The following RIPK4 variants were observed in gnomAD, a reference collection of about 807,000 sequenced individuals.
RIPK4 encodes receptor interacting serine/threonine kinase 4.
RIPK4 carries 17 observed loss-of-function variants against 42.9 expected under a neutral mutation model. That is an observed-to-expected ratio of 0.40 (90% confidence interval 0.27 to 0.59). RIPK4 has a LOEUF of 0.59. RIPK4 is among the 20% of genes least tolerant of loss of function. The pLI is 0.47. For synonymous variants in RIPK4, 498 were observed against 499.1 expected (o/e 1.00, Z 0.03); for missense variants, 897 against 1,104.4 (o/e 0.81, Z 2.66).
In RIPK4 at chr21:41,741,814, T is replaced by C. The variant is rs946329286; in HGVS notation, c.1379A>G (p.Asn460Ser). Residue 460 changes from asparagine (N) to serine (S), a missense_variant, in exon 8 of 8, where the codon AAC (asparagine) becomes AGC (serine). By Grantham distance (46) the Asn-to-Ser change is conservative. Transcript: ENST00000332512. ...QEECAKWLLL[N>S]NANPNLSNRR... ...GTTGCTCAGGTTGGGGTTGGCATTG[T>C]TGAGCAGCAGCCACTTGGCGCACTC... 1.2e-6 allele frequency: 2 copies of C among 1,611,600 alleles called. No individual in the cohort carries two copies. The highest frequency in any genetic ancestry group is 1.3e-5 in the African/African-American group (1 of 74,940).
intron 3 of RIPK4, among the ~76,000 whole-genome samples, chr21:41,749,436 A>G (rs542657880): frequency 6.6e-6 from 1 of 152,356 alleles, no homozygotes; most frequent in Non-Finnish European, 1.5e-5. Flanking sequence ...CTGGGCTACA[A>G]TCTTCAGGCA....
In RIPK4 at chr21:41,741,440, T is replaced by C. The variant is rs1203634829; in HGVS notation, c.1753A>G (p.Ile585Val). 1.2e-6 allele frequency: 2 copies of C among 1,612,724 alleles called. No individual in the cohort carries two copies. The highest frequency in any genetic ancestry group is 1.3e-5 in the African/African-American group (1 of 74,938). ...GGCTGCTTGGCCAGCAGCTTGACGA[T>C]GGGCAGGTGGCCCTGCCAGGCAGCG... ...HYAAWQGHLPIVKLLAKQPGV... is the reference protein window; with the variant it reads ...HYAAWQGHLPVVKLLAKQPGV... The change falls in exon 8 of 8, where the codon ATC (isoleucine) becomes GTC (valine). Residue 585 changes from isoleucine to valine, a missense_variant. Transcript: ENST00000332512.
Position 41,751,208 on chromosome 21 carries a change from G to A in RIPK4, c.512C>T (p.Ser171Phe), listed in dbSNP as rs772811394. 46 of 1,614,128 alleles carry A rather than the reference G, an allele frequency of 2.8e-5. No individual in the cohort carries two copies. Among genetic ancestry groups the A allele is most frequent in the Non-Finnish European group, 3.8e-5 (45 of 1,180,044 alleles). The change falls in exon 3 of 8, where the codon TCC becomes TTC. Residue 171 changes from serine (S) to phenylalanine (F), a missense_variant. Transcript: ENST00000332512. The surrounding 1 kb of genome is among the most constrained non-coding windows in gnomAD (Gnocchi z 4.5). The stretch of plus-strand genomic sequence containing the variant: ...ATCCATGCTGAGGTCATGCGAGTGG[G>A]ACAGCCCGTTGCACTTGGCCAGACC... ...DFGLAKCNGL[S>F]HSHDLSMDGL... is the part of the protein sequence containing the mutation.
At chr21:41,746,295 G>T (rs1350723297) in intron 5 of RIPK4, 1 of 591,898 alleles carries the variant, frequency 1.7e-6, no homozygotes, top group African/African-American at 1.9e-5. Flanking sequence ...CACCGGCCAG[G>T]TAAGTCCCCG....
intron 1 of RIPK4, 36 bp downstream of exon 1, chr21:41,766,824 C>A (rs1410212336): frequency 1.3e-6 from 2 of 1,582,460 alleles, no homozygotes; most frequent in Non-Finnish European, 1.7e-6. Flanking sequence ...CCAGCCCGGG[C>A]CCCAGCCGCC....
chr21:41,747,212 C>T (rs1259970643), intron 4 of RIPK4, among the ~76,000 whole-genome samples: 3 of 152,198 alleles, frequency 2.0e-5, no homozygotes, highest in East Asian at 3.9e-4. Context: ...TCTACAATGG[C>T]GAAGAAGTCT....
chr21:41,741,263 C>T lies in RIPK4; in HGVS notation c.1930G>A (p.Ala644Thr), dbSNP rs975688074. The part of the protein sequence containing the change: ...SLLAQTPLHV[A>T]AETGHTSTAR... ...GTGCTCGTGTGCCCCGTCTCCGCGG[C>T]CACGTGCAGGGGTGTCTGTGCCAGC... The change falls in exon 8 of 8, where the codon GCC (alanine) becomes ACC (threonine). Residue 644 changes from alanine (A) to threonine (T), a missense_variant. Coordinates refer to ENST00000332512, the MANE Select transcript of RIPK4 (RefSeq NM_020639.3). 9 of 1,608,474 alleles carry T rather than the reference C, an allele frequency of 5.6e-6. No homozygotes were observed. Among genetic ancestry groups the T allele is most frequent in the Non-Finnish European group, 5.9e-6 (7 of 1,179,492 alleles).
rs2061158954 is a variant in RIPK4 at position 41,742,888 on chromosome 21, T to C, written c.1196-891A>G. Among the ~76,000 whole-genome samples, 1 of 152,172 alleles carries C rather than the reference T, an allele frequency of 6.6e-6. No homozygotes were observed. Among genetic ancestry groups the C allele is most frequent in the Admixed American group, 6.5e-5 (1 of 15,284 alleles). ...TGGTGGTATTTCTTTCTGCTCAGTCTTAGACTTTGCCCTGACTCTCCTCCT... is the reference window on the plus strand; with the variant it reads ...TGGTGGTATTTCTTTCTGCTCAGTCCTAGACTTTGCCCTGACTCTCCTCCT... On this transcript the variant is annotated intron_variant, in intron 7 of 7. Transcript: ENST00000332512. This position sits in a 1 kb window ranked among gnomAD's most constrained non-coding sequence, Gnocchi z 5.1.
chr21:41,754,971 G>A (rs1475349313), intron 2 of RIPK4, among the ~76,000 whole-genome samples: 1 of 152,234 alleles, frequency 6.6e-6, no homozygotes, highest in Non-Finnish European at 1.5e-5. Context: ...CCTCTGCTCT[G>A]AGGATGAGGG....
chr21:41,762,329 C>T (rs1299987276), intron 1 of RIPK4, among the ~76,000 whole-genome samples: 2 of 152,132 alleles, frequency 1.3e-5, no homozygotes, highest in Admixed American at 6.5e-5. Context: ...GGGGGTGGGG[C>T]GGCTCCCTTG....
intron 4 of RIPK4, among the ~76,000 whole-genome samples, chr21:41,747,293 G>C (rs114940970): frequency 2.0e-5 from 3 of 152,174 alleles, no homozygotes; most frequent in Non-Finnish European, 4.4e-5. Flanking sequence ...CCAGGGCTGG[G>C]ATGTGTGGAA....
intron 2 of RIPK4, among the ~76,000 whole-genome samples, chr21:41,756,294 C>T (rs1011971970): frequency 2.6e-5 from 4 of 152,340 alleles, no homozygotes; most frequent in Admixed American, 1.3e-4. Context: ...CCCATGTTCA[C>T]CAAGCTACCC....
At chr21:41,762,615 G>A (rs572712968) in intron 1 of RIPK4, among the ~76,000 whole-genome samples, 1 of 152,306 alleles carries the variant, frequency 6.6e-6, no homozygotes, top group African/African-American at 2.4e-5. Context: ...GATCAGGGAG[G>A]TTAAGAAGTG....
rs968097251 is a variant in RIPK4, at chr21:41,755,436, C to T, written c.474+1089G>A. 3.3e-5 allele frequency among the ~76,000 whole-genome samples: 5 copies of T among 152,184 alleles called. No individual in the cohort carries two copies. Among genetic ancestry groups the T allele is most frequent in the Admixed American group, 1.3e-4 (2 of 15,282 alleles). ...GTCCGCAGAGTCTGGGCACAGGGAG[C>T]GGCCGTGCGCATGCCATACGAGCCA... On this transcript the variant is annotated intron_variant, in intron 2 of 7. Transcript: ENST00000332512. The surrounding 1 kb of genome is among the most constrained non-coding windows in gnomAD (Gnocchi z 4.2).
chr21:41,765,551 A>T (rs1329198843), intron 1 of RIPK4, among the ~76,000 whole-genome samples: 1 of 152,234 alleles, frequency 6.6e-6, no homozygotes, highest in Non-Finnish European at 1.5e-5. Flanking sequence ...TCTCATCCAC[A>T]GAGGCGTCAC....
intron 4 of RIPK4, among the ~76,000 whole-genome samples, chr21:41,747,115 C>T (rs139156031): frequency 1.3e-3 from 193 of 152,298 alleles, no homozygotes; most frequent in African/African-American, 4.6e-3. Context: ...AGGCTCATTC[C>T]ATCAACAGCC....
At position 41,740,923 on chromosome 21, in the gene RIPK4, T is replaced by C. The variant is rs2061150732; in HGVS notation, c.2270A>G (p.His757Arg). ...HAQTVETLLR[H>R]GAHINLQSLK... ...GCTCTGCAGGTTGATGTGGGCCCCATGCCTGAGCAGAGTCTCCACCGTCTG... is the reference window on the plus strand; with the variant it reads ...GCTCTGCAGGTTGATGTGGGCCCCACGCCTGAGCAGAGTCTCCACCGTCTG... Residue 757 changes from histidine (H) to arginine (R), a missense_variant, in exon 8 of 8, where the codon CAT (histidine) becomes CGT (arginine). Transcript: ENST00000332512. 2 of 1,612,650 alleles carry C rather than the reference T, an allele frequency of 1.2e-6. No individual in the cohort carries two copies. The highest frequency in any genetic ancestry group is 1.7e-6 in the Non-Finnish European group (2 of 1,179,852).
intron 5 of RIPK4, among the ~76,000 whole-genome samples, 169 bp downstream of exon 5, chr21:41,746,444 G>C (rs1279593871): frequency 6.6e-6 from 1 of 152,232 alleles, no homozygotes; most frequent in African/African-American, 2.4e-5. Context: ...GTGAGTACCA[G>C]AGGCCGCAGG....
chr21:41,753,956 A>G (rs1480447756), intron 2 of RIPK4, among the ~76,000 whole-genome samples: 1 of 152,226 alleles, frequency 6.6e-6, no homozygotes, highest in African/African-American at 2.4e-5. Context: ...ATGTTGAATA[A>G]TATCAAGCAT....
Sources: allele counts gnomAD v4.1 joint callset (sites outside exome capture counted in the v4.1 genomes callset), GRCh38; gene constraint gnomAD v4.1.1; non-coding constraint Gnocchi (gnomAD v3.1); transcripts MANE v1.5; gene names NCBI Gene and HGNC (gene_info 2026-07-23, HGNC 2026-07-21).